The following PRICKLE2 variants were observed in gnomAD, a reference collection of about 807,000 sequenced individuals.
PRICKLE2 encodes the protein prickle planar cell polarity protein 2.
A neutral mutation model predicts 81.4 loss-of-function variants in PRICKLE2; 21 were observed. The ratio of observed to expected loss-of-function variants is 0.26; its 90% CI spans 0.18 to 0.37. The LOEUF (loss-of-function observed/expected upper bound fraction) is 0.37. PRICKLE2 is among the 10% of genes least tolerant of loss of function. The pLI is 1.00. For synonymous variants in PRICKLE2, 456 were observed against 421.5 expected (o/e 1.08, Z -1.00); for missense variants, 940 against 1,109.0 (o/e 0.85, Z 2.16).
intron 5 of PRICKLE2, chr3:64,153,915 TAA>T (rs1412117856): frequency 6.4e-6 from 1 of 155,996 alleles, no homozygotes; most frequent in Non-Finnish European, 1.4e-5. Flanking sequence ...TGCCTTAAAA[TAA>T]GTCACCTTCA....
intron 2 of PRICKLE2, among the ~76,000 whole-genome samples, chr3:64,189,147 G>A (rs192720770): frequency 6.6e-6 from 1 of 152,290 alleles, no homozygotes; most frequent in Admixed American, 6.5e-5. Flanking sequence ...GACGCTGTCT[G>A]TACCAGTAAC....
intron 2 of PRICKLE2, among the ~76,000 whole-genome samples, chr3:64,176,353 C>CCCAT (rs766782301): frequency 6.6e-6 from 1 of 152,210 alleles, no homozygotes; most frequent in Non-Finnish European, 1.5e-5. Flanking sequence ...GAGTGTCCTA[C>CCCAT]ATGGTATCTT....
chr3:64,145,618 T>C (rs1465628480), intron 7 of PRICKLE2: 1 of 151,828 alleles, frequency 6.6e-6, no homozygotes, highest in East Asian at 2.0e-4. Context: ...TTCTGTTCTT[T>C]TCAGCCTGCC....
chr3:64,266,263 G>C (rs931788202), intron 2 of PRICKLE2, among the ~76,000 whole-genome samples: 2 of 151,676 alleles, frequency 1.3e-5, no homozygotes, highest in South Asian at 2.1e-4. Context: ...TTCAGAAGAA[G>C]AACGGTTTTC....
chr3:64,265,773 C>G (rs929517862), intron 2 of PRICKLE2, among the ~76,000 whole-genome samples: 3 of 152,204 alleles, frequency 2.0e-5, no homozygotes, highest in Non-Finnish European at 4.4e-5. Context: ...CTTTGCACCT[C>G]TCATTCCTCG....
intron 2 of PRICKLE2, among the ~76,000 whole-genome samples, chr3:64,235,470 T>C (rs755969521): frequency 2.8e-4 from 42 of 152,164 alleles, no homozygotes; most frequent in Non-Finnish European, 5.7e-4. Context: ...TGTTGAAAAA[T>C]GGACATTGTA....
chr3:64,222,734 C>T (rs1486309812), intron 1 of PRICKLE2, among the ~76,000 whole-genome samples: 1 of 152,098 alleles, frequency 6.6e-6, no homozygotes, highest in African/African-American at 2.4e-5. Context: ...ATTCAATGGC[C>T]TCCCTGGATA....
intron 7 of PRICKLE2, among the ~76,000 whole-genome samples, chr3:64,109,674 A>G (rs1386016168): frequency 6.6e-6 from 1 of 152,198 alleles, no homozygotes; most frequent in African/African-American, 2.4e-5. Flanking sequence ...TCAGTCAGGC[A>G]TGGGCTGTTT....
chr3:64,118,147 C>A (rs1447941246), intron 7 of PRICKLE2, among the ~76,000 whole-genome samples: 1 of 152,134 alleles, frequency 6.6e-6, no homozygotes, highest in Non-Finnish European at 1.5e-5. Flanking sequence ...ACTGGCTAGC[C>A]ATATGCTGAA....
intron 2 of PRICKLE2, among the ~76,000 whole-genome samples, chr3:64,171,142 A>G (rs774236739): frequency 8.5e-5 from 13 of 152,084 alleles, no homozygotes; most frequent in Non-Finnish European, 1.6e-4. Flanking sequence ...ATTCCCCCAG[A>G]TATTTACATG....
intron 7 of PRICKLE2, among the ~76,000 whole-genome samples, chr3:64,113,784 C>T (rs1226384681): frequency 6.6e-6 from 1 of 151,978 alleles, no homozygotes; most frequent in Non-Finnish European, 1.5e-5. Context: ...CCTCAGGGAT[C>T]ACTCCTGCTT....
chr3:64,111,524 T>TCCAGTGAC (rs2076846479), intron 7 of PRICKLE2, among the ~76,000 whole-genome samples: 1 of 152,116 alleles, frequency 6.6e-6, no homozygotes, highest in South Asian at 2.1e-4. Context: ...GAAGTACAGA[T>TCCAGTGAC]CCAGTGACAC....
chr3:64,160,700 G>A (rs1293710845), intron 3 of PRICKLE2, among the ~76,000 whole-genome samples: 2 of 152,136 alleles, frequency 1.3e-5, no homozygotes, highest in East Asian at 3.9e-4. Flanking sequence ...CAGTTGAGTC[G>A]ACTTGCAAGA....
At chr3:64,262,427 T>C (rs1050355008) in intron 2 of PRICKLE2, among the ~76,000 whole-genome samples, 6 of 151,982 alleles carry the variant, frequency 3.9e-5, no homozygotes, top group Admixed American at 1.3e-4. Flanking sequence ...GAGAAGCCGA[T>C]TGGACATCTA....
chr3:64,132,462 T>C (rs963289554), intron 7 of PRICKLE2, among the ~76,000 whole-genome samples: 1 of 152,116 alleles, frequency 6.6e-6, no homozygotes, highest in Non-Finnish European at 1.5e-5. Flanking sequence ...TCTCCTTCAT[T>C]AGGTTTTCTT....
chr3:64,221,832 C>T (rs1291773505), intron 1 of PRICKLE2, among the ~76,000 whole-genome samples: 6 of 152,262 alleles, frequency 3.9e-5, no homozygotes, highest in South Asian at 2.1e-4. Context: ...TCTGCTAATT[C>T]GAGGCAGGCA....
At chr3:64,217,596 G>A (rs957375083) in intron 1 of PRICKLE2, among the ~76,000 whole-genome samples, 1 of 152,186 alleles carries the variant, frequency 6.6e-6, no homozygotes, top group African/African-American at 2.4e-5. Context: ...TTACTAAACT[G>A]GAAAGAGAAT....
At chr3:64,183,709 A>C (rs2078173825) in intron 2 of PRICKLE2, among the ~76,000 whole-genome samples, 1 of 152,220 alleles carries the variant, frequency 6.6e-6, no homozygotes, top group Non-Finnish European at 1.5e-5. Context: ...GTTTATTTTT[A>C]CTTTATAATG....
chr3:64,224,412 G>A (rs2079001957), intron 1 of PRICKLE2, among the ~76,000 whole-genome samples: 1 of 152,146 alleles, frequency 6.6e-6, no homozygotes, highest in South Asian at 2.1e-4. Context: ...GTCATATTCT[G>A]AAGCTCTGTC....
Sources: allele counts gnomAD v4.1 joint callset (sites outside exome capture counted in the v4.1 genomes callset), GRCh38; gene constraint gnomAD v4.1.1; transcripts MANE v1.5; gene names NCBI Gene and HGNC (gene_info 2026-07-23, HGNC 2026-07-21).